The following RBMS2 variants were observed in gnomAD, a reference collection of about 807,000 sequenced individuals.
The protein encoded by RBMS2 is RNA-binding motif, single-stranded-interacting protein 2.
RBMS2 carries 38 observed loss-of-function variants against 58.4 expected under a neutral mutation model. The observed-to-expected ratio is 0.65, with a 90% confidence interval of 0.50 to 0.85. The LOEUF is 0.85. RBMS2 is among the 40% of genes least tolerant of loss of function. The pLI is 0.00. For synonymous variants in RBMS2, 151 were observed against 180.7 expected (o/e 0.84, Z 1.32); for missense variants, 367 against 503.7 (o/e 0.73, Z 2.60).
chr12:56,520,734 T>A (rs918484173), upstream of RBMS2, among the ~76,000 whole-genome samples: 2 of 145,538 alleles, frequency 1.4e-5, no homozygotes, highest in African/African-American at 2.6e-5. Context: ...TTCTTAAGTA[T>A]TTTTTTTTTT....
chr12:56,524,579 ATTT>A (rs1408777966), intron 1 of RBMS2, among the ~76,000 whole-genome samples: 1 of 151,424 alleles, frequency 6.6e-6, no homozygotes, highest in East Asian at 1.9e-4. Context: ...CACCCGGACA[ATTT>A]TTTTGTGTTC....
At chr12:56,568,405 G>A (rs972685647) in intron 2 of RBMS2, among the ~76,000 whole-genome samples, 3 of 152,184 alleles carry the variant, frequency 2.0e-5, no homozygotes, top group Non-Finnish European at 4.4e-5. Flanking sequence ...CAACTAGTGT[G>A]TGAGTCTTAG....
chr12:56,581,450 G>A lies in RBMS2; in HGVS notation c.674G>A (p.Arg225Gln), dbSNP rs754841950. Residue 225 changes from arginine (R) to glutamine (Q), a missense_variant, in exon 7 of 14, where the codon CGA becomes CAA. Physicochemically the swap from Arg to Gln is conservative, Grantham distance 43 (BLOSUM62 1). This residue lies in a region of RBMS2 where 220 missense variants were observed against 261.1 expected (regional missense o/e 0.84). Coordinates refer to ENST00000262031, the MANE Select transcript of RBMS2 (RefSeq NM_002898.4). ...TTTGCTGATGGCGGGCCAAAGAAAC[G>A]ACAGAACCAAGGAAAATTTGTGCAA... ...CKFADGGPKKRQNQGKFVQNG... is the reference protein window; with the variant it reads ...CKFADGGPKKQQNQGKFVQNG... 6.2e-6 allele frequency: 10 copies of A among 1,614,066 alleles called. No individual in the cohort carries two copies. Among genetic ancestry groups the A allele is most frequent in the African/African-American group, 4.0e-5 (3 of 74,924 alleles).
At chr12:56,578,243 C>T (rs1268105407) in intron 5 of RBMS2, among the ~76,000 whole-genome samples, 1 of 152,084 alleles carries the variant, frequency 6.6e-6, no homozygotes, top group Non-Finnish European at 1.5e-5. Flanking sequence ...ATTCTTGTGC[C>T]TCAGCCTCCC....
chr12:56,569,244 CTG>C (rs942260101), intron 3 of RBMS2, among the ~76,000 whole-genome samples: 14 of 152,226 alleles, frequency 9.2e-5, no homozygotes, highest in African/African-American at 3.1e-4. Flanking sequence ...GGCCAGAAGA[CTG>C]TACAAAACAC....
At chr12:56,536,022 G>A (rs1201231929) in intron 1 of RBMS2, among the ~76,000 whole-genome samples, 7 of 151,850 alleles carry the variant, frequency 4.6e-5, no homozygotes, top group Non-Finnish European at 8.8e-5. Context: ...CCAACATGGC[G>A]AAACCCTGTC....
At chr12:56,576,361 T>C (rs1310695933) in intron 5 of RBMS2, among the ~76,000 whole-genome samples, 2 of 152,066 alleles carry the variant, frequency 1.3e-5, no homozygotes, top group African/African-American at 2.4e-5. Context: ...ATAAAAAATT[T>C]CATGTTGTCC....
rs999353158 is a variant in RBMS2, at chr12:56,590,923, G to A, written c.*1790G>A. On this transcript the variant is annotated 3_prime_UTR_variant, in exon 14 of 14. Transcript: ENST00000262031. ...TGTGGAAGGACAACGGGGAGCTAGG[G>A]TAGCAAAGAGCAATAAATTCCAACT... 2 of 152,158 alleles carry A rather than the reference G, an allele frequency of 1.3e-5. No homozygotes were observed. Among genetic ancestry groups the A allele is most frequent in the Admixed American group, 6.5e-5 (1 of 15,272 alleles). 9.4% of individuals were successfully genotyped at this position (152,158 alleles called of 1,614,324 possible).
upstream of RBMS2, among the ~76,000 whole-genome samples, chr12:56,521,446 T>A (rs11838162): frequency 0.04 from 3,541 of 88,244 alleles, 188 homozygotes; most frequent in African/African-American, 0.11. Flanking sequence ...AAAAAAAAAA[T>A]CACTGTAAGT....
chr12:56,588,891 A>G (rs1885050031), intron 12 of RBMS2, 41 bp from the exon 13 acceptor site: 2 of 1,601,808 alleles, frequency 1.2e-6, no homozygotes, highest in Non-Finnish European at 1.7e-6. Context: ...AGGTGAGGAA[A>G]GGAATGCGCA....
At position 56,595,488 on chromosome 12, in the gene RBMS2, C is replaced by CTT. The variant is rs1885685124; in HGVS notation, c.*6356_*6357dup. ...CTATGCCAATGCCACCATTCTAAAACTTACACTCCTTTTCTACCCCTGGTC... is the reference window on the plus strand; with the variant it reads ...CTATGCCAATGCCACCATTCTAAAACTTTTACACTCCTTTTCTACCCCTGGTC... On this transcript the variant is annotated 3_prime_UTR_variant, in exon 14 of 14. Coordinates refer to ENST00000262031, the MANE Select transcript of RBMS2 (RefSeq NM_002898.4). 6.6e-6 allele frequency: 1 copy of CTT among 152,178 alleles called. No individual in the cohort carries two copies. Among genetic ancestry groups the CTT allele is most frequent in the African/African-American group, 2.4e-5 (1 of 41,444 alleles). 9.4% of individuals were successfully genotyped at this position (152,178 alleles called of 1,614,324 possible).
chr12:56,543,726 A>T (rs537586996), intron 1 of RBMS2, among the ~76,000 whole-genome samples: 11 of 151,126 alleles, frequency 7.3e-5, no homozygotes, highest in African/African-American at 2.7e-4. Context: ...CGGTGGTGCA[A>T]TCTTGATCTC....
intron 1 of RBMS2, among the ~76,000 whole-genome samples, chr12:56,561,843 T>C (rs1880483037): frequency 6.7e-6 from 1 of 150,096 alleles, no homozygotes; most frequent in Admixed American, 6.7e-5. Flanking sequence ...CCAAACGTGC[T>C]GTCGCCCAGG....
intron 1 of RBMS2, among the ~76,000 whole-genome samples, chr12:56,553,682 G>T (rs1878698682): frequency 6.6e-6 from 1 of 152,000 alleles, no homozygotes; most frequent in South Asian, 2.1e-4. Flanking sequence ...GCCCAGGCTG[G>T]TCTCAAACTC....
chr12:56,585,902 G>A (rs1350506202), intron 9 of RBMS2, among the ~76,000 whole-genome samples: 1 of 152,188 alleles, frequency 6.6e-6, no homozygotes, highest in African/African-American at 2.4e-5. Flanking sequence ...AGTCATGCTG[G>A]CCTTGCACTG....
At chr12:56,574,428 T>A (rs561332720) in intron 5 of RBMS2, among the ~76,000 whole-genome samples, 1 of 152,368 alleles carries the variant, frequency 6.6e-6, no homozygotes, top group East Asian at 1.9e-4. Context: ...TAGCAACTAT[T>A]TAAACCCAGC....
At chr12:56,572,807 T>C in intron 5 of RBMS2, 1 of 985,236 alleles carries the variant, frequency 1.0e-6, no homozygotes, top group Non-Finnish European at 1.2e-6. Context: ...GGGAGACCTG[T>C]ATTCCAGAAC....
rs534473842 is a variant in RBMS2, at chr12:56,549,660, C to G, written c.67-12757C>G. 1.0e-3 allele frequency among the ~76,000 whole-genome samples: 152 copies of G among 152,242 alleles called. 1 individual carries two copies. Among genetic ancestry groups the G allele is most frequent in the Non-Finnish European group, 1.6e-3 (112 of 68,018 alleles). On this transcript the variant is annotated intron_variant, in intron 1 of 13. Transcript: ENST00000262031. ...TGTTCTGGGGAAGGGAAGGATAGGA[C>G]TGTATTATCACTCATACTAGTTTGA...
At chr12:56,534,066 T>C (rs1415232607) in intron 1 of RBMS2, among the ~76,000 whole-genome samples, 1 of 152,188 alleles carries the variant, frequency 6.6e-6, no homozygotes, top group African/African-American at 2.4e-5. Flanking sequence ...GTTCCAAATC[T>C]GTGCTTGCAA....
Sources: allele counts gnomAD v4.1 joint callset (sites outside exome capture counted in the v4.1 genomes callset), GRCh38; gene constraint gnomAD v4.1.1; regional missense constraint gnomAD v4.1.1; transcripts MANE v1.5; gene names NCBI Gene and HGNC (gene_info 2026-07-23, HGNC 2026-07-21).